The following SAP130 variants were observed in gnomAD, a reference collection of about 807,000 sequenced individuals.
The protein encoded by SAP130 is Sin3A associated protein 130, also known as histone deacetylase complex subunit SAP130.
SAP130 carries 16 observed loss-of-function variants against 103.2 expected under a neutral mutation model. The ratio of observed to expected loss-of-function variants is 0.16; its 90% CI spans 0.10 to 0.24. The LOEUF (loss-of-function observed/expected upper bound fraction) is 0.24. SAP130 is among the 10% of genes least tolerant of loss of function. SAP130 has a pLI of 1.00. For missense variants in SAP130, 990 were observed against 1,359.7 expected, an observed-to-expected ratio of 0.73 and a Z score of 4.28; for synonymous variants, 477 against 497.0, an observed-to-expected ratio of 0.96 and a Z score of 0.53.
chr2:127,955,949 C>G lies in SAP130; in HGVS notation c.2064-605G>C, dbSNP rs571694917. Among the ~76,000 whole-genome samples the G allele has an allele frequency of 6.6e-6, 1 of 152,272 alleles. No individual in the cohort carries two copies. The highest frequency in any genetic ancestry group is 2.1e-4 in the South Asian group (1 of 4,826). ...AGAACTCAAAGTCATATCGTCATAG[C>G]ACAACCAATTTTCATAATATTAATG... On this transcript the variant is annotated intron_variant, in intron 15 of 20. Coordinates refer to ENST00000643581, the MANE Select transcript of SAP130 (RefSeq NM_001330301.2). This position sits in a 1 kb window ranked among gnomAD's most constrained non-coding sequence, Gnocchi z 4.9.
intron 14 of SAP130, among the ~76,000 whole-genome samples, chr2:127,980,332 C>A (rs1410530896): frequency 6.6e-6 from 1 of 152,104 alleles, no homozygotes; most frequent in East Asian, 1.9e-4. Flanking sequence ...GAACCTAATG[C>A]GAAACATCAC....
At chr2:127,994,477 A>G (rs1683037712) in intron 11 of SAP130, among the ~76,000 whole-genome samples, 1 of 152,226 alleles carries the variant, frequency 6.6e-6, no homozygotes, top group Admixed American at 6.5e-5. Flanking sequence ...CTATAATCCC[A>G]GTTACTCAGG....
intron 16 of SAP130, among the ~76,000 whole-genome samples, chr2:127,954,296 AT>A (rs1679684230): frequency 6.6e-6 from 1 of 152,228 alleles, no homozygotes; most frequent in Non-Finnish European, 1.5e-5. Context: ...TGAGAAAGAA[AT>A]GGAGGACTTC....
At chr2:127,952,798 C>G (rs1167321403) in intron 16 of SAP130, among the ~76,000 whole-genome samples, 1 of 152,028 alleles carries the variant, frequency 6.6e-6, no homozygotes, top group Non-Finnish European at 1.5e-5. Flanking sequence ...ATATTCCTAC[C>G]CTGTGTTCCC....
chr2:127,979,482 A>G (rs1681710557), intron 14 of SAP130, among the ~76,000 whole-genome samples: 1 of 152,086 alleles, frequency 6.6e-6, no homozygotes, highest in East Asian at 1.9e-4. Flanking sequence ...TCAACAAATA[A>G]ACTGCAGGAA....
chr2:127,990,634 G>A (rs570211626), intron 12 of SAP130, among the ~76,000 whole-genome samples: 1 of 152,256 alleles, frequency 6.6e-6, no homozygotes, highest in South Asian at 2.1e-4. Context: ...AAATTTGCCA[G>A]TGGCTACAAT....
chr2:127,969,331 C>T (rs1392417644), intron 15 of SAP130, among the ~76,000 whole-genome samples: 1 of 152,158 alleles, frequency 6.6e-6, no homozygotes, highest in African/African-American at 2.4e-5. Context: ...TAACACTCAC[C>T]TCATAAAATT....
At chr2:127,947,748 T>C (rs995999632) in intron 18 of SAP130, among the ~76,000 whole-genome samples, 2 of 54,200 alleles carry the variant, frequency 3.7e-5, no homozygotes, top group African/African-American at 9.3e-5. Flanking sequence ...GTGAATTAAT[T>C]TTGTATTGTG....
At chr2:128,011,516 T>C (rs1374431381) in intron 6 of SAP130, among the ~76,000 whole-genome samples, 1 of 152,160 alleles carries the variant, frequency 6.6e-6, no homozygotes, top group East Asian at 1.9e-4. Flanking sequence ...GGTGCGTGTC[T>C]CACACTAGGG....
intron 10 of SAP130, 122 bp downstream of exon 10, chr2:127,999,619 A>AC: frequency 3.9e-6 from 2 of 508,030 alleles, no homozygotes; most frequent in East Asian, 6.4e-5. Flanking sequence ...AAGAAAAGAA[A>AC]AAAAAAAAAA....
At chr2:127,961,813 C>T (rs950382871) in intron 15 of SAP130, among the ~76,000 whole-genome samples, 7 of 151,984 alleles carry the variant, frequency 4.6e-5, no homozygotes, top group Admixed American at 2.0e-4. Flanking sequence ...GTTCTCTACA[C>T]TAAGGAATTT....
At chr2:127,972,019 G>T (rs912185469) in intron 15 of SAP130, among the ~76,000 whole-genome samples, 1 of 152,156 alleles carries the variant, frequency 6.6e-6, no homozygotes, top group Non-Finnish European at 1.5e-5. Context: ...GTGGGAGTGT[G>T]GGGGGTTTAT....
intron 7 of SAP130, among the ~76,000 whole-genome samples, chr2:128,009,847 C>A (rs183838119): frequency 1.3e-5 from 2 of 152,278 alleles, no homozygotes; most frequent in East Asian, 1.9e-4. Flanking sequence ...TTCCCACTGC[C>A]TAGAATACTC....
chr2:128,023,039 G>A (rs1358475365), intron 2 of SAP130, among the ~76,000 whole-genome samples: 4 of 151,542 alleles, frequency 2.6e-5, no homozygotes, highest in African/African-American at 9.7e-5. Flanking sequence ...TGTTGCCCAG[G>A]CTGAAGTGCA....
intron 12 of SAP130, among the ~76,000 whole-genome samples, chr2:127,991,527 G>A (rs1682805999): frequency 6.6e-6 from 1 of 151,948 alleles, no homozygotes; most frequent in African/African-American, 2.4e-5. Context: ...TTTTGGTAGA[G>A]ACTAGGTCTC....
chr2:128,008,238 T>A (rs930701160), intron 7 of SAP130, among the ~76,000 whole-genome samples: 7 of 152,182 alleles, frequency 4.6e-5, no homozygotes, highest in African/African-American at 1.7e-4. Flanking sequence ...CTAACCTCCC[T>A]GTAATGTGAC....
At position 127,989,480 on chromosome 2, in the gene SAP130, A is replaced by C. The variant is rs1411979223; in HGVS notation, c.1780+84T>G. 8.0e-7 allele frequency: 1 copy of C among 1,252,970 alleles called. No individual in the cohort carries two copies. Among genetic ancestry groups the C allele is most frequent in the South Asian group, 1.5e-5 (1 of 67,604 alleles). The allele number at this position is 1,252,970 out of a possible 1,614,324, so 77.6% of individuals were successfully genotyped here. ...AAAGGCCTAGAGAAATTATAAGACG[A>C]CAAAGCCAGTGGCAGAGAAAGGATT... On this transcript the variant is annotated intron_variant, in intron 13 of 20. Coordinates refer to ENST00000643581, the MANE Select transcript of SAP130 (RefSeq NM_001330301.2). The surrounding 1 kb of genome is among the most constrained non-coding windows in gnomAD (Gnocchi z 4.6).
At chr2:128,024,834 G>A (rs965470541) in intron 2 of SAP130, among the ~76,000 whole-genome samples, 4 of 151,672 alleles carry the variant, frequency 2.6e-5, no homozygotes, top group Admixed American at 6.6e-5. Context: ...AGCTGAGATC[G>A]CACCACTGCA....
chr2:127,981,763 C>T (rs1330527119), intron 14 of SAP130, among the ~76,000 whole-genome samples: 4 of 129,742 alleles, frequency 3.1e-5, no homozygotes, highest in East Asian at 2.5e-4. Context: ...TCCTGCACCC[C>T]GACTCAGCTC....
Sources: gnomAD v4.1 joint callset for allele counts (sites outside exome capture counted in the v4.1 genomes callset) on GRCh38, gnomAD v4.1.1 for gene constraint, Gnocchi (gnomAD v3.1) non-coding constraint, MANE v1.5 for transcripts, NCBI Gene and HGNC (gene_info 2026-07-23, HGNC 2026-07-21) for gene names.